MEGF10: variants seen among roughly 807,000 people sequenced by gnomAD.
The protein encoded by MEGF10 is multiple EGF like domains 10, also known as multiple epidermal growth factor-like domains protein 10.
A neutral mutation model predicts 147.5 loss-of-function variants in MEGF10; 86 were observed. The observed-to-expected ratio is 0.58, with a 90% confidence interval of 0.49 to 0.70. The LOEUF (loss-of-function observed/expected upper bound fraction) is 0.70. MEGF10 is among the 30% of genes least tolerant of loss of function. MEGF10 has a pLI of 0.00. For synonymous variants in MEGF10, 478 were observed against 525.5 expected, an observed-to-expected ratio of 0.91 and a Z score of 1.24; for missense variants, 1,329 against 1,487.3, an observed-to-expected ratio of 0.89 and a Z score of 1.75.
At chr5:127,419,600 T>G (rs1331402910) in intron 11 of MEGF10, among the ~76,000 whole-genome samples, 1 of 152,106 alleles carries the variant, frequency 6.6e-6, no homozygotes, top group Non-Finnish European at 1.5e-5. Context: ...CATCCATAGG[T>G]GCAGCCAGGA....
chr5:127,424,693 C>A, intron 13 of MEGF10: 1 of 465,360 alleles, frequency 2.1e-6, no homozygotes, highest in Non-Finnish European at 2.9e-6. Flanking sequence ...TAGGAGCTAC[C>A]CACAGACACG....
At chr5:127,424,382 G>A in intron 13 of MEGF10, 1 of 764,302 alleles carries the variant, frequency 1.3e-6, no homozygotes, top group South Asian at 1.5e-5. Context: ...CATGTGAATG[G>A]TAACATCAAT....
chr5:127,252,008 C>T, the MEGF10 span, among the ~76,000 whole-genome samples: 2 of 151,406 alleles, frequency 1.3e-5, no homozygotes, highest in Non-Finnish European at 3.0e-5. Context: ...TTCAATAAAC[C>T]CTACAAAATA....
the MEGF10 span, among the ~76,000 whole-genome samples, chr5:127,265,900 GC>G: frequency 6.6e-6 from 1 of 152,100 alleles, no homozygotes; most frequent in East Asian, 1.9e-4. Flanking sequence ...AGTTTCTTTT[GC>G]TGTGTAGAAG....
chr5:127,447,812 T>C (rs1206588112), intron 21 of MEGF10, 128 bp downstream of exon 21: 6 of 1,184,352 alleles, frequency 5.1e-6, no homozygotes, highest in Non-Finnish European at 7.0e-6. Context: ...AATTTATTCC[T>C]CTAAACAGTC....
At chr5:127,254,632 G>A in the MEGF10 span, among the ~76,000 whole-genome samples, 1,772 of 151,854 alleles carry the variant, frequency 0.012, 20 homozygotes, top group Non-Finnish European at 0.02. Context: ...CAAACATGGC[G>A]AAACCTCGTC....
At chr5:127,269,746 C>A in the MEGF10 span, among the ~76,000 whole-genome samples, 1 of 151,824 alleles carries the variant, frequency 6.6e-6, no homozygotes, top group Non-Finnish European at 1.5e-5. Context: ...AAACGCCACA[C>A]TCCTCGAGAA....
chr5:127,283,072 T>A, the MEGF10 span, among the ~76,000 whole-genome samples: 2 of 152,190 alleles, frequency 1.3e-5, no homozygotes, highest in Non-Finnish European at 2.9e-5. Context: ...TCCCTCAGTG[T>A]TGTTTTTATT....
At chr5:127,435,938 C>T (rs1436123817) in intron 16 of MEGF10, among the ~76,000 whole-genome samples, 2 of 152,158 alleles carry the variant, frequency 1.3e-5, no homozygotes, top group African/African-American at 4.8e-5. Flanking sequence ...TGGCATCACC[C>T]AAGTGCCTTC....
intron 5 of MEGF10, among the ~76,000 whole-genome samples, chr5:127,384,143 A>G (rs962341961): frequency 2.0e-5 from 3 of 152,198 alleles, no homozygotes; most frequent in Non-Finnish European, 2.9e-5. Context: ...CAATGTGTGC[A>G]ATCCTGTCTC....
chr5:127,377,512 A>G (rs146566223), intron 5 of MEGF10, among the ~76,000 whole-genome samples: 3,713 of 152,314 alleles, frequency 0.024, 62 homozygotes, highest in Admixed American at 0.064. Flanking sequence ...TATACTTGGC[A>G]GTAGTGAAAA....
In MEGF10 at chr5:127,378,487, C is replaced by G. The variant is rs1477634686; in HGVS notation, c.412+8485C>G. 3.3e-5 allele frequency among the ~76,000 whole-genome samples: 5 copies of G among 152,202 alleles called. 1 individual carries two copies. The highest frequency in any genetic ancestry group is 9.6e-5 in the African/African-American group (4 of 41,456). ...TTTATTTTTGAGACTGGGTCTTGCT[C>G]TGTCACACAGGTTGAAGTGCAGTGG... On this transcript the variant is annotated intron_variant, in intron 5 of 24. Coordinates refer to ENST00000503335, the MANE Select transcript of MEGF10 (RefSeq NM_001256545.2).
intron 8 of MEGF10, among the ~76,000 whole-genome samples, chr5:127,406,714 A>C (rs1050438107): frequency 6.6e-6 from 1 of 152,184 alleles, no homozygotes; most frequent in African/African-American, 2.4e-5. Context: ...TAGTGCATAG[A>C]TTGCCCAAAT....
chr5:127,323,044 A>C (rs988315361), intron 1 of MEGF10, among the ~76,000 whole-genome samples: 3 of 152,118 alleles, frequency 2.0e-5, no homozygotes. Flanking sequence ...GTATATGCAC[A>C]GGCATTCTTT....
intron 1 of MEGF10, among the ~76,000 whole-genome samples, chr5:127,322,583 A>G (rs1040114609): frequency 6.6e-6 from 1 of 152,124 alleles, no homozygotes; most frequent in African/African-American, 2.4e-5. Flanking sequence ...ACGTGGTACT[A>G]CTCTCACATT....
At chr5:127,235,447 C>T in the MEGF10 span, among the ~76,000 whole-genome samples, 10 of 152,186 alleles carry the variant, frequency 6.6e-5, no homozygotes, top group African/African-American at 2.4e-4. Flanking sequence ...TCAAATGTGT[C>T]CTCTTCTCTC....
At chr5:127,456,321 A>G (rs1471396190) in intron 24 of MEGF10, among the ~76,000 whole-genome samples, 2 of 152,222 alleles carry the variant, frequency 1.3e-5, no homozygotes, top group Non-Finnish European at 2.9e-5. Flanking sequence ...AATTCAATTT[A>G]AAATTGGAGT....
intron 8 of MEGF10, among the ~76,000 whole-genome samples, chr5:127,410,060 G>T (rs1026726719): frequency 1.3e-5 from 2 of 152,092 alleles, no homozygotes; most frequent in Admixed American, 6.5e-5. Context: ...CATTTTCTTA[G>T]TATCTACTAA....
the MEGF10 span, among the ~76,000 whole-genome samples, chr5:127,267,492 G>C: frequency 3.9e-4 from 59 of 152,296 alleles, no homozygotes; most frequent in African/African-American, 1.4e-3. Context: ...GTTTCAGAAG[G>C]AATGGTACCA....
Sources: gnomAD v4.1 joint callset for allele counts (sites outside exome capture counted in the v4.1 genomes callset) on GRCh38, gnomAD v4.1.1 for gene constraint, MANE v1.5 for transcripts, NCBI Gene and HGNC (gene_info 2026-07-23, HGNC 2026-07-21) for gene names.